RBMS1: variants seen among roughly 807,000 people sequenced by gnomAD.
The protein encoded by RBMS1 is RNA binding motif single stranded interacting protein 1.
In RBMS1, 17 loss-of-function variants were observed where a neutral mutation model predicts 62.3. That is an observed-to-expected ratio of 0.27 (90% confidence interval 0.19 to 0.41). The LOEUF (loss-of-function observed/expected upper bound fraction) is 0.41. Among genes scored for constraint, RBMS1 ranks in the 10% least tolerant of loss-of-function variants. The probability of loss-of-function intolerance (pLI) is 1.00; values close to 1 mark genes in which losing one functional copy is unlikely to be tolerated. For missense variants in RBMS1, 334 were observed against 504.5 expected (o/e 0.66, Z 3.24); for synonymous variants, 172 against 170.0 (o/e 1.01, Z -0.09).
At chr2:160,405,752 C>CT (rs1265101514) in intron 1 of RBMS1, among the ~76,000 whole-genome samples, 2 of 152,222 alleles carry the variant, frequency 1.3e-5, no homozygotes, top group Non-Finnish European at 2.9e-5. Flanking sequence ...GGCTACCCCC[C>CT]TTCACACACA....
At chr2:160,464,599 A>G (rs958591916) in intron 1 of RBMS1, among the ~76,000 whole-genome samples, 1 of 152,230 alleles carries the variant, frequency 6.6e-6, no homozygotes, top group Non-Finnish European at 1.5e-5. Context: ...TGTTAACACT[A>G]TCAGGTGGTT....
chr2:160,285,697 C>G (rs1257972029), intron 7 of RBMS1, among the ~76,000 whole-genome samples: 1 of 151,126 alleles, frequency 6.6e-6, no homozygotes, highest in Non-Finnish European at 1.5e-5. Context: ...GATAAATGTA[C>G]TATTTATATA....
intron 1 of RBMS1, among the ~76,000 whole-genome samples, chr2:160,481,613 T>C (rs1258438203): frequency 6.6e-6 from 1 of 152,102 alleles, no homozygotes; most frequent in East Asian, 1.9e-4. Context: ...GACAACCCAA[T>C]TTAAAAAGTG....
At chr2:160,443,278 T>C (rs1683494625) in intron 1 of RBMS1, among the ~76,000 whole-genome samples, 1 of 151,034 alleles carries the variant, frequency 6.6e-6, no homozygotes, top group Admixed American at 6.6e-5. Context: ...CCTCTGGACT[T>C]AGAAGCAGCC....
At chr2:160,407,629 G>C (rs1695821164) in intron 1 of RBMS1, 1 of 982,104 alleles carries the variant, frequency 1.0e-6, no homozygotes, top group African/African-American at 1.8e-5. Flanking sequence ...GCCGGGCCCG[G>C]GGCCGCGGCA....
At chr2:160,280,099 C>T (rs1339908711) in intron 10 of RBMS1, among the ~76,000 whole-genome samples, 3 of 152,084 alleles carry the variant, frequency 2.0e-5, no homozygotes, top group Non-Finnish European at 4.4e-5. Context: ...TCCTTTTTCT[C>T]ATTCATTGGC....
intron 2 of RBMS1, among the ~76,000 whole-genome samples, chr2:160,365,631 C>G (rs1246122179): frequency 6.6e-6 from 1 of 152,228 alleles, no homozygotes; most frequent in African/African-American, 2.4e-5. Flanking sequence ...CATCAAAACT[C>G]ACCCTACATA....
At chr2:160,464,131 C>T (rs1684582827) in intron 1 of RBMS1, among the ~76,000 whole-genome samples, 1 of 152,134 alleles carries the variant, frequency 6.6e-6, no homozygotes, top group Non-Finnish European at 1.5e-5. Context: ...CACACCACGA[C>T]TCCCCACTCC....
chr2:160,329,925 A>G (rs1691164262), intron 2 of RBMS1, among the ~76,000 whole-genome samples: 1 of 152,108 alleles, frequency 6.6e-6, no homozygotes, highest in Non-Finnish European at 1.5e-5. Flanking sequence ...CTAAAGGCAG[A>G]TAAGACCAAT....
chr2:160,469,536 C>G (rs1358721466), intron 1 of RBMS1, among the ~76,000 whole-genome samples: 2 of 152,208 alleles, frequency 1.3e-5, no homozygotes, highest in South Asian at 4.1e-4. Flanking sequence ...TAACACTCTG[C>G]AAGAATCACT....
At chr2:160,301,308 A>C (rs1377570900) in intron 5 of RBMS1, among the ~76,000 whole-genome samples, 1 of 152,198 alleles carries the variant, frequency 6.6e-6, no homozygotes, top group Non-Finnish European at 1.5e-5. Flanking sequence ...TAAAGGCTGG[A>C]GGCTAACTTT....
intron 1 of RBMS1, among the ~76,000 whole-genome samples, 163 bp downstream of exon 1, chr2:160,493,126 C>A (rs1220062400): frequency 6.6e-6 from 1 of 152,166 alleles, no homozygotes; most frequent in Non-Finnish European, 1.5e-5. Flanking sequence ...CCGCCCCGCG[C>A]GCCGCCCGGC....
At chr2:160,275,545 C>T in intron 13 of RBMS1, 85 bp downstream of exon 13, 1 of 1,534,488 alleles carries the variant, frequency 6.5e-7, no homozygotes, top group Non-Finnish European at 8.8e-7. Flanking sequence ...TCCGAGTTAT[C>T]CCAATCACCA....
intron 1 of RBMS1, among the ~76,000 whole-genome samples, chr2:160,439,311 G>A (rs1020156034): frequency 7.7e-5 from 11 of 142,296 alleles, no homozygotes; most frequent in East Asian, 6.0e-4. Context: ...GGCGGCTGCC[G>A]GGCGGAAGGG....
intron 2 of RBMS1, among the ~76,000 whole-genome samples, chr2:160,329,361 T>G (rs949367024): frequency 1.1e-4 from 16 of 152,176 alleles, no homozygotes; most frequent in African/African-American, 3.9e-4. Flanking sequence ...GACGTTTGGC[T>G]CAAAGGTCAC....
intron 1 of RBMS1, among the ~76,000 whole-genome samples, chr2:160,465,579 C>T (rs1168571398): frequency 6.6e-6 from 1 of 152,126 alleles, no homozygotes; most frequent in Admixed American, 6.5e-5. Flanking sequence ...AGGTTACAAC[C>T]AATCTCAGGA....
Position 160,478,129 on chromosome 2 carries a change from C to T in RBMS1, c.75+15160G>A, listed in dbSNP as rs1685217747. Among the ~76,000 whole-genome samples the T allele has an allele frequency of 7.9e-5, 12 of 152,352 alleles. No homozygotes were observed. In the South Asian group the frequency reaches 2.5e-3, roughly 32 times the overall value. On this transcript the variant is annotated intron_variant, in intron 1 of 13. Transcript: ENST00000348849. The stretch of plus-strand genomic sequence containing the variant: ...AACACACTTCCTCACTGGAGACCTC[C>T]TTGACTATGACACTTGTCAAATAAT...
chr2:160,476,698 G>A (rs2105351241), intron 1 of RBMS1, among the ~76,000 whole-genome samples: 1 of 150,802 alleles, frequency 6.6e-6, no homozygotes, highest in South Asian at 2.1e-4. Context: ...GGGACTACAG[G>A]CGCCCGCCAC....
At chr2:160,469,547 A>G (rs1684834857) in intron 1 of RBMS1, among the ~76,000 whole-genome samples, 1 of 152,150 alleles carries the variant, frequency 6.6e-6, no homozygotes, top group South Asian at 2.1e-4. Flanking sequence ...AAGAATCACT[A>G]TCCAACGCTT....
Sources: allele counts gnomAD v4.1 joint callset (sites outside exome capture counted in the v4.1 genomes callset), GRCh38; gene constraint gnomAD v4.1.1; transcripts MANE v1.5; gene names NCBI Gene and HGNC (gene_info 2026-07-23, HGNC 2026-07-21).